Variants in CALD1 observed in about 807,000 individuals in gnomAD.
CALD1 encodes the protein caldesmon 1.
CALD1 carries 33 observed loss-of-function variants against 99.9 expected under a neutral mutation model. The ratio of observed to expected loss-of-function variants is 0.33; its 90% CI spans 0.25 to 0.44. The LOEUF is 0.44. CALD1 is among the 20% of genes least tolerant of loss of function. The pLI is 1.00. For missense variants in CALD1, 861 were observed against 962.1 expected, an observed-to-expected ratio of 0.89 and a Z score of 1.39; for synonymous variants, 310 against 325.0, an observed-to-expected ratio of 0.95 and a Z score of 0.50.
At chr7:134,798,993 C>G (rs1170707401) in intron 1 of CALD1, among the ~76,000 whole-genome samples, 1 of 152,146 alleles carries the variant, frequency 6.6e-6, no homozygotes, top group Admixed American at 6.5e-5. Context: ...TACTGTTTCA[C>G]TTTCATTAAC....
chr7:134,860,329 T>C (rs118147821), intron 2 of CALD1, among the ~76,000 whole-genome samples: 173 of 152,286 alleles, frequency 1.1e-3, no homozygotes, highest in African/African-American at 3.6e-3. Flanking sequence ...GGTTGACAAA[T>C]TGATTTTTTT....
chr7:134,757,169 C>A (rs1796737438), intron 1 of CALD1, among the ~76,000 whole-genome samples: 1 of 151,942 alleles, frequency 6.6e-6, no homozygotes, highest in African/African-American at 2.4e-5. Flanking sequence ...ACCCCTGAAG[C>A]ATAAACATTA....
chr7:134,885,613 C>G (rs1431106279), intron 3 of CALD1, among the ~76,000 whole-genome samples: 1 of 152,226 alleles, frequency 6.6e-6, no homozygotes, highest in African/African-American at 2.4e-5. Context: ...GTGGTACACA[C>G]TGAGAATTCT....
At position 134,935,712 on chromosome 7, in the gene CALD1, C is replaced by A. The variant is rs747023009; in HGVS notation, c.1333C>A (p.Gln445Lys). The A allele has an allele frequency of 1.2e-6, 2 of 1,604,580 alleles. No individual in the cohort carries two copies. The highest frequency in any genetic ancestry group is 1.7e-6 in the Non-Finnish European group (2 of 1,176,024). Reference protein sequence around the residue: ...KQGEEKGTKVQAKREKLQEDK... With the variant: ...KQGEEKGTKVKAKREKLQEDK... ...GGGAGAAGAGAAGGGAACTAAAGTG[C>A]AAGCTAAAAGAGAAAAGCTCCAAGA... is the stretch of plus-strand genomic sequence containing the variant. Residue 445 changes from glutamine (Q) to lysine (K), a missense_variant, in exon 6 of 15, where the codon CAA becomes AAA. Coordinates refer to ENST00000361675, the MANE Select transcript of CALD1 (RefSeq NM_033138.4).
At chr7:134,967,424 T>A (rs758003147) in intron 14 of CALD1, among the ~76,000 whole-genome samples, 11 of 152,162 alleles carry the variant, frequency 7.2e-5, no homozygotes, top group Non-Finnish European at 1.2e-4. Context: ...AAAATTGGAA[T>A]TCACAACACT....
At chr7:134,940,626 A>G (rs1470379950) in intron 6 of CALD1, among the ~76,000 whole-genome samples, 1 of 152,214 alleles carries the variant, frequency 6.6e-6, no homozygotes, top group Non-Finnish European at 1.5e-5. Flanking sequence ...AGATCTAGCT[A>G]AACTGATAGG....
the CALD1 span, among the ~76,000 whole-genome samples, chr7:134,737,317 C>T: frequency 5.3e-5 from 8 of 151,330 alleles, no homozygotes; most frequent in African/African-American, 1.5e-4. Context: ...TTTGTAGAGG[C>T]GGGGTTTTGC....
intron 3 of CALD1, among the ~76,000 whole-genome samples, chr7:134,911,033 G>C (rs751206862): frequency 2.6e-5 from 4 of 152,138 alleles, no homozygotes; most frequent in African/African-American, 4.8e-5. Context: ...GGAAGGAATT[G>C]AAAGAAGTGC....
intron 1 of CALD1, among the ~76,000 whole-genome samples, chr7:134,819,607 C>A (rs1798692736): frequency 6.6e-6 from 1 of 152,200 alleles, no homozygotes; most frequent in Non-Finnish European, 1.5e-5. Flanking sequence ...CAACCTCAAC[C>A]CAGTCCAATG....
chr7:134,784,450 G>C (rs757741020), intron 1 of CALD1, among the ~76,000 whole-genome samples: 1 of 152,226 alleles, frequency 6.6e-6, no homozygotes, highest in Non-Finnish European at 1.5e-5. Flanking sequence ...ACTGGGGTCA[G>C]GAGGACCAGT....
chr7:134,722,675 C>T, the CALD1 span, among the ~76,000 whole-genome samples: 4 of 152,140 alleles, frequency 2.6e-5, no homozygotes, highest in African/African-American at 9.7e-5. Flanking sequence ...CCACCTCAGC[C>T]TCCCAAAGTG....
intron 1 of CALD1, among the ~76,000 whole-genome samples, chr7:134,827,680 T>TCCAAATCATGTGCTGAG (rs1361500159): frequency 1.3e-5 from 2 of 152,210 alleles, no homozygotes; most frequent in Non-Finnish European, 2.9e-5. Context: ...ATTCCAAATT[T>TCCAAATCATGTGCTGAG]ATCAGAGTGC....
intron 1 of CALD1, among the ~76,000 whole-genome samples, chr7:134,819,647 A>T (rs1330402111): frequency 1.3e-5 from 2 of 152,236 alleles, no homozygotes; most frequent in African/African-American, 4.8e-5. Flanking sequence ...AAGCTTTGGG[A>T]AATTCAATCA....
intron 9 of CALD1, among the ~76,000 whole-genome samples, chr7:134,951,226 T>G (rs1807314458): frequency 6.6e-6 from 1 of 152,220 alleles, no homozygotes; most frequent in Admixed American, 6.5e-5. Context: ...AGTTTCAACA[T>G]ATAAATGTTG....
intron 7 of CALD1, among the ~76,000 whole-genome samples, chr7:134,942,510 A>C (rs1806530853): frequency 6.6e-6 from 1 of 152,252 alleles, no homozygotes; most frequent in Non-Finnish European, 1.5e-5. Context: ...GAAAGGTAGA[A>C]TCTATAGATA....
chr7:134,932,427 T>C (rs539718811), intron 4 of CALD1, among the ~76,000 whole-genome samples: 24 of 152,340 alleles, frequency 1.6e-4, no homozygotes, highest in African/African-American at 5.5e-4. Flanking sequence ...CACTTATTAT[T>C]TCAGTTTGAT....
chr7:134,891,706 CT>C, intron 3 of CALD1: 1 of 1,408,268 alleles, frequency 7.1e-7, no homozygotes, highest in Non-Finnish European at 9.5e-7. Context: ...TGGTTTTTTC[CT>C]TTCTTTTTTT....
chr7:134,718,540 A>G, the CALD1 span, among the ~76,000 whole-genome samples: 2 of 152,186 alleles, frequency 1.3e-5, no homozygotes, highest in South Asian at 4.1e-4. Flanking sequence ...TAATGGGAAA[A>G]AAATGTTTCA....
intron 2 of CALD1, among the ~76,000 whole-genome samples, chr7:134,856,344 G>A (rs1800300517): frequency 6.6e-6 from 1 of 152,214 alleles, no homozygotes; most frequent in African/African-American, 2.4e-5. Context: ...GAGAGATGGT[G>A]AGAAAAGATA....
Sources: allele counts gnomAD v4.1 joint callset (sites outside exome capture counted in the v4.1 genomes callset), GRCh38; gene constraint gnomAD v4.1.1; transcripts MANE v1.5; gene names NCBI Gene and HGNC (gene_info 2026-07-23, HGNC 2026-07-21).